Variants in LRRC25 observed in about 807,000 individuals in gnomAD.
LRRC25 encodes leucine rich repeat containing 25.
In LRRC25, 5 loss-of-function variants were observed where a neutral mutation model predicts 18.8. The ratio of observed to expected loss-of-function variants is 0.27; its 90% CI spans 0.14 to 0.56. The LOEUF (loss-of-function observed/expected upper bound fraction) is 0.56, where lower values mean the gene tolerates loss of function less well. Among genes scored for constraint, LRRC25 ranks in the 20% least tolerant of loss-of-function variants. LRRC25 has a pLI of 0.93. For missense variants in LRRC25, 341 were observed against 389.8 expected (o/e 0.87, Z 1.05); for synonymous variants, 161 against 176.8 (o/e 0.91, Z 0.71).
At chr19:18,394,662 G>A (rs1247888316) in intron 1 of LRRC25, among the ~76,000 whole-genome samples, 1 of 152,120 alleles carries the variant, frequency 6.6e-6, no homozygotes, top group African/African-American at 2.4e-5. Flanking sequence ...GGCTGGTCTT[G>A]AGGTCCTGAC....
rs1320732900 is a variant in LRRC25, at chr19:18,397,245, GC to G, written c.-283del. The G allele has an allele frequency of 3.2e-5, 15 of 465,684 alleles. No individual in the cohort carries two copies. The highest frequency in any genetic ancestry group is 5.0e-5 in the Non-Finnish European group (13 of 258,380). 28.8% of individuals were successfully genotyped at this position (465,684 alleles called of 1,614,324 possible). On this transcript the variant is annotated 5_prime_UTR_variant, in exon 1 of 2. Transcript: ENST00000339007. ...TTCTTCTATGTCCTGAACATTTGGG[GC>G]GCCCTCGTTGGCCAGGACGGGACCC...
Position 18,396,339 on chromosome 19 carries a change from C to T in LRRC25, c.625G>A (p.Asp209Asn), listed in dbSNP as rs1368599453. 6.2e-7 allele frequency: 1 copy of T among 1,613,768 alleles called. No homozygotes were observed. The highest frequency in any genetic ancestry group is 1.3e-5 in the African/African-American group (1 of 74,944). ...RELNKPWAAQ[D>N]GPKPGLGLQP... ...AAGCCTAAACCGGGCTTGGGCCCAT[C>T]CTGAGCAGCCCAGGGTTTGTTCAGC... Residue 209 changes from aspartate to asparagine, a missense_variant, in exon 1 of 2, where the codon GAT (aspartate) becomes AAT (asparagine). Asp to Asn is a conservative substitution (Grantham distance 23, BLOSUM62 1). Coordinates refer to ENST00000339007, the MANE Select transcript of LRRC25 (RefSeq NM_145256.3).
In LRRC25 at chr19:18,396,173, T is replaced by A; in HGVS notation, c.779+12A>T. On this transcript the variant is annotated intron_variant, in intron 1 of 1. Transcript: ENST00000339007. Reference sequence around the variant, plus strand: ...TTCACCACTTTGGCAGGTGTCTCAGTGGCTTACTTACCCTTGTTCATCCCA... The same window carrying A: ...TTCACCACTTTGGCAGGTGTCTCAGAGGCTTACTTACCCTTGTTCATCCCA... 1 of 1,575,112 alleles carries A rather than the reference T, an allele frequency of 6.3e-7. No individual in the cohort carries two copies. Among genetic ancestry groups the A allele is most frequent in the East Asian group, 2.3e-5 (1 of 44,256 alleles).
chr19:18,396,540 T>G lies in LRRC25; in HGVS notation c.424A>C (p.Thr142Pro). 1 of 1,613,546 alleles carries G rather than the reference T, an allele frequency of 6.2e-7. No homozygotes were observed. Among genetic ancestry groups the G allele is most frequent in the South Asian group, 1.1e-5 (1 of 91,070 alleles). Residue 142 changes from threonine (T) to proline (P), a missense_variant, in exon 1 of 2, where the codon ACA becomes CCA. Thr to Pro is a conservative substitution (Grantham distance 38). Transcript: ENST00000339007. ...GAGAGGTTGTGCTGGGAGCTGGTTGTGTCCCAGCAGAGCAGAGGCTTCTGG... is the reference window on the plus strand; with the variant it reads ...GAGAGGTTGTGCTGGGAGCTGGTTGGGTCCCAGCAGAGCAGAGGCTTCTGG... ...SGQKPLLCWD[T>P]TSSQHNLSAF...
In LRRC25 at chr19:18,396,949, C is replaced by T; in HGVS notation, c.15G>A (p.Leu5=). 1 of 1,607,244 alleles carries T rather than the reference C, an allele frequency of 6.2e-7. No individual in the cohort carries two copies. The change falls in exon 1 of 2, where the codon CTG becomes CTA. Residue 5 remains leucine, a synonymous_variant. Transcript: ENST00000339007. The part of the protein sequence containing the change: MGGT[L]AWTLLLPLLL... ...GCAGCGGCAACAGCAGCGTCCATGC[C>T]AGGGTGCCCCCCATTCAAGCAACCT...
chr19:18,396,922 C>T lies in LRRC25; in HGVS notation c.42G>A (p.Leu14=). 1.2e-6 allele frequency: 2 copies of T among 1,611,594 alleles called. No homozygotes were observed. The highest frequency in any genetic ancestry group is 1.7e-6 in the Non-Finnish European group (2 of 1,178,726). The stretch of plus-strand genomic sequence containing the variant: ...GTTCTAGGCTGTCTGACTCCCGCAG[C>T]AGCAGCGGCAACAGCAGCGTCCATG... The part of the protein sequence containing the change: ...TLAWTLLLPL[L]LRESDSLEPS... The change falls in exon 1 of 2, where the codon CTG becomes CTA. Residue 14 remains leucine, a synonymous_variant. Transcript: ENST00000339007.
At chr19:18,395,523 T>C (rs1483059221) in intron 1 of LRRC25, among the ~76,000 whole-genome samples, 1 of 152,090 alleles carries the variant, frequency 6.6e-6, no homozygotes. Flanking sequence ...ACATGGGACC[T>C]GGGCCTATGC....
At chr19:18,393,650 A>T (rs1488330052) in intron 1 of LRRC25, among the ~76,000 whole-genome samples, 1 of 151,674 alleles carries the variant, frequency 6.6e-6, no homozygotes, top group South Asian at 2.1e-4. Context: ...TGTTAACAGC[A>T]TCTATCAGTC....
chr19:18,393,676 C>T lies in LRRC25; in HGVS notation c.780-1551G>A, dbSNP rs547322737. On this transcript the variant is annotated intron_variant, in intron 1 of 1. Coordinates refer to ENST00000339007, the MANE Select transcript of LRRC25 (RefSeq NM_145256.3). Reference sequence around the variant, plus strand: ...TCTATCAGTCAATTATACTCTAGTACGAATTGCCCACCAACCCCTAAGTGG... The same window carrying T: ...TCTATCAGTCAATTATACTCTAGTATGAATTGCCCACCAACCCCTAAGTGG... 2.9e-4 allele frequency among the ~76,000 whole-genome samples: 44 copies of T among 151,826 alleles called. 1 individual carries two copies. The highest frequency in any genetic ancestry group is 7.2e-4 in the African/African-American group (30 of 41,426).
Position 18,397,123 on chromosome 19 carries a change from G to T in LRRC25, c.-160C>A. 1 of 743,482 alleles carries T rather than the reference G, an allele frequency of 1.3e-6. No individual in the cohort carries two copies. Among genetic ancestry groups the T allele is most frequent in the Non-Finnish European group, 2.1e-6 (1 of 468,162 alleles). 46.1% of individuals were successfully genotyped at this position (743,482 alleles called of 1,614,324 possible). ...CCAGTCTGGTCGCCTCCTTTGGCTG[G>T]TGGGCTGCCTCAGTCTCCCCTTCTG... On this transcript the variant is annotated 5_prime_UTR_variant, in exon 1 of 2. Transcript: ENST00000339007.
At position 18,396,368 on chromosome 19, in the gene LRRC25, C is replaced by T. The variant is rs34347418; in HGVS notation, c.596G>A (p.Arg199Gln). The change falls in exon 1 of 2, where the codon CGG becomes CAG. Residue 199 changes from arginine to glutamine, a missense_variant. Physicochemically the swap from Arg to Gln is conservative, Grantham distance 43 (BLOSUM62 1). Coordinates refer to ENST00000339007, the MANE Select transcript of LRRC25 (RefSeq NM_145256.3). ...AGCAGCCCAGGGTTTGTTCAGCTCCCGGCTTCTGGCCACTCGGCATCGCCA... is the reference window on the plus strand; with the variant it reads ...AGCAGCCCAGGGTTTGTTCAGCTCCTGGCTTCTGGCCACTCGGCATCGCCA... ...RLWRCRVARS[R>Q]ELNKPWAAQD... The T allele has an allele frequency of 3.7e-6, 6 of 1,613,520 alleles. No homozygotes were observed. Among genetic ancestry groups the T allele is most frequent in the South Asian group, 3.3e-5 (3 of 91,088 alleles).
chr19:18,391,822 T>A lies in LRRC25; in HGVS notation c.*165A>T. ...GAGCTGAGGGAGCTGAGGAGCGGCA[T>A]GAGGGACAGGGAGGGGGCGGCAGAG... On this transcript the variant is annotated 3_prime_UTR_variant, in exon 2 of 2. Transcript: ENST00000339007. The A allele has an allele frequency of 1.4e-6, 1 of 732,774 alleles. No homozygotes were observed. The highest frequency in any genetic ancestry group is 2.2e-6 in the Non-Finnish European group (1 of 458,162). 45.4% of individuals were successfully genotyped at this position (732,774 alleles called of 1,614,324 possible).
chr19:18,394,109 G>A (rs1971936031), intron 1 of LRRC25, among the ~76,000 whole-genome samples: 1 of 151,890 alleles, frequency 6.6e-6, no homozygotes, highest in Non-Finnish European at 1.5e-5. Flanking sequence ...CATGGCCGCG[G>A]CCCCTTCCTG....
At chr19:18,392,917 G>C (rs978398289) in intron 1 of LRRC25, among the ~76,000 whole-genome samples, 2 of 152,128 alleles carry the variant, frequency 1.3e-5, no homozygotes, top group Non-Finnish European at 2.9e-5. Context: ...TTGAGCCCAG[G>C]AGGTCGAGCC....
intron 1 of LRRC25, among the ~76,000 whole-genome samples, chr19:18,393,707 G>C (rs1356808480): frequency 6.6e-6 from 1 of 152,198 alleles, no homozygotes; most frequent in East Asian, 1.9e-4. Flanking sequence ...AGTGGTTGTA[G>C]GGGGACGAAC....
At chr19:18,392,226 C>T (rs1476121240) in intron 1 of LRRC25, 101 bp from the exon 2 acceptor site, 1 of 1,252,802 alleles carries the variant, frequency 8.0e-7, no homozygotes, top group Non-Finnish European at 1.2e-6. Flanking sequence ...GGTGCTCTGA[C>T]TCACGCCTGT....
chr19:18,392,453 T>C (rs1333310683), intron 1 of LRRC25, among the ~76,000 whole-genome samples: 3 of 151,402 alleles, frequency 2.0e-5, no homozygotes, highest in Non-Finnish European at 2.9e-5. Context: ...GATCGTGCCA[T>C]TGCACTTCAG....
rs1326129223 is a variant in LRRC25, at chr19:18,391,410, G to C, written c.*577C>G. 6.6e-6 allele frequency: 1 copy of C among 152,572 alleles called. No individual in the cohort carries two copies. 9.5% of individuals were successfully genotyped at this position (152,572 alleles called of 1,614,324 possible). On this transcript the variant is annotated 3_prime_UTR_variant, in exon 2 of 2. Coordinates refer to ENST00000339007, the MANE Select transcript of LRRC25 (RefSeq NM_145256.3). ...AAAAATTAGCTCGGCATGGTGGCGG[G>C]TGCTGTAATCCCAGCTACTCAGGAG...
Position 18,396,823 on chromosome 19 carries a change from G to T in LRRC25, c.141C>A (p.Gly47=). Reference sequence around the variant, plus strand: ...GGTTGTGAGGCAGGCTCAGGCTGAGGCCACTGAAATTCAGGCACGTGGCAC... The same window carrying T: ...GGTTGTGAGGCAGGCTCAGGCTGAGTCCACTGAAATTCAGGCACGTGGCAC... ...EFSATCLNFS[G]LSLSLPHNQS... Residue 47 remains glycine (G), a synonymous_variant, in exon 1 of 2, where the codon GGC becomes GGA. Transcript: ENST00000339007. The T allele has an allele frequency of 6.2e-7, 1 of 1,614,006 alleles. No homozygotes were observed. Among genetic ancestry groups the T allele is most frequent in the Non-Finnish European group, 8.5e-7 (1 of 1,180,036 alleles).
Sources: gnomAD v4.1 joint callset for allele counts (sites outside exome capture counted in the v4.1 genomes callset) on GRCh38, gnomAD v4.1.1 for gene constraint, MANE v1.5 for transcripts, NCBI Gene and HGNC (gene_info 2026-07-23, HGNC 2026-07-21) for gene names.